CD300A: variants seen among roughly 807,000 people sequenced by gnomAD.
The protein encoded by CD300A is CMRF35-like molecule 8.
Under a neutral mutation model 33.6 loss-of-function variants are expected in CD300A, and 22 were observed. The ratio of observed to expected loss-of-function variants is 0.66; its 90% CI spans 0.47 to 0.94. CD300A has a LOEUF of 0.94. Among genes scored for constraint, CD300A ranks in the 40% least tolerant of loss-of-function variants. The pLI, the probability that CD300A is intolerant of heterozygous loss-of-function variation, is 0.00. For synonymous variants in CD300A, 136 were observed against 148.1 expected (o/e 0.92, Z 0.59); for missense variants, 326 against 360.5 (o/e 0.90, Z 0.77).
intron 1 of CD300A, among the ~76,000 whole-genome samples, chr17:74,469,634 G>A (rs1222666658): frequency 6.6e-6 from 1 of 152,164 alleles, no homozygotes; most frequent in African/African-American, 2.4e-5. Flanking sequence ...AGACCAGCCT[G>A]GCCAACATGG....
intron 3 of CD300A, among the ~76,000 whole-genome samples, chr17:74,477,204 G>T (rs190921777): frequency 3.3e-5 from 5 of 151,798 alleles, no homozygotes; most frequent in Admixed American, 3.3e-4. Context: ...GAGTCTCTAC[G>T]AAAAATTTAA....
intron 1 of CD300A, among the ~76,000 whole-genome samples, chr17:74,467,300 G>A (rs1054812838): frequency 6.6e-6 from 1 of 152,126 alleles, no homozygotes; most frequent in African/African-American, 2.4e-5. Context: ...AACCAGGGCA[G>A]CCCAGCGGCT....
chr17:74,481,249 G>T (rs751126189), intron 4 of CD300A, 40 bp from the exon 5 acceptor site: 3 of 1,607,466 alleles, frequency 1.9e-6, no homozygotes, highest in South Asian at 1.1e-5. Context: ...CCTGGCCATT[G>T]TTCCGGGATT....
rs1008724697 is a variant in CD300A, at chr17:74,480,938, A to G, written c.629-351A>G. Among the ~76,000 whole-genome samples the G allele has an allele frequency of 2.0e-5, 3 of 152,120 alleles. No homozygotes were observed. Among genetic ancestry groups the G allele is most frequent in the African/African-American group, 4.8e-5 (2 of 41,420 alleles). ...TAATATTTGTATTTTTAGTAGAGAC[A>G]GGGTTTCACCCTATTGGCCCGGCTG... is the stretch of plus-strand genomic sequence containing the variant. On this transcript the variant is annotated intron_variant, in intron 4 of 6. Transcript: ENST00000360141. This position sits in a 1 kb window ranked among gnomAD's most constrained non-coding sequence, Gnocchi z 4.2.
intron 1 of CD300A, chr17:74,470,141 C>G (rs1477650883): frequency 4.5e-5 from 44 of 985,238 alleles, no homozygotes; most frequent in Non-Finnish European, 5.3e-5. Flanking sequence ...CCCCAGTCTC[C>G]TGTTTATGAT....
intron 3 of CD300A, among the ~76,000 whole-genome samples, chr17:74,477,088 C>A (rs1264801653): frequency 6.6e-6 from 1 of 151,982 alleles, no homozygotes; most frequent in Non-Finnish European, 1.5e-5. Flanking sequence ...AGAAGGAGAC[C>A]AGGTATATTG....
chr17:74,466,688 T>G lies in CD300A; in HGVS notation c.-16T>G. The G allele has an allele frequency of 6.3e-7, 1 of 1,592,520 alleles. No individual in the cohort carries two copies. The highest frequency in any genetic ancestry group is 1.1e-5 in the South Asian group (1 of 87,662). ...CTGGAGCTGCTGCAAGTGCCGCCTGTGCTGGGGAAGGGACCATGTGGCTGC... is the reference window on the plus strand; with the variant it reads ...CTGGAGCTGCTGCAAGTGCCGCCTGGGCTGGGGAAGGGACCATGTGGCTGC... On this transcript the variant is annotated 5_prime_UTR_variant, in exon 1 of 7. Coordinates refer to ENST00000360141, the MANE Select transcript of CD300A (RefSeq NM_007261.4).
At chr17:74,467,972 A>T (rs1408414547) in intron 1 of CD300A, among the ~76,000 whole-genome samples, 2 of 152,152 alleles carry the variant, frequency 1.3e-5, no homozygotes, top group Non-Finnish European at 2.9e-5. Flanking sequence ...ATTAGGAAGA[A>T]GGGATCCACC....
At chr17:74,473,993 G>A in intron 2 of CD300A, 119 bp downstream of exon 2, 1 of 1,164,864 alleles carries the variant, frequency 8.6e-7, no homozygotes, top group Non-Finnish European at 1.2e-6. Flanking sequence ...AGAGAGAGAG[G>A]TGGGGGCCAG....
Position 74,480,569 on chromosome 17 carries a change from C to T in CD300A, c.629-720C>T, listed in dbSNP as rs973154158. On this transcript the variant is annotated intron_variant, in intron 4 of 6. Transcript: ENST00000360141. The surrounding 1 kb of genome is among the most constrained non-coding windows in gnomAD (Gnocchi z 4.2). ...GCTGTCTGGGAGGGCAGACCTCAGGCACGGGGATGGGAGCAGAGGCCCCAG... is the reference window on the plus strand; with the variant it reads ...GCTGTCTGGGAGGGCAGACCTCAGGTACGGGGATGGGAGCAGAGGCCCCAG... Among the ~76,000 whole-genome samples, 1 of 152,160 alleles carries T rather than the reference C, an allele frequency of 6.6e-6. No homozygotes were observed. The highest frequency in any genetic ancestry group is 2.4e-5 in the African/African-American group (1 of 41,418).
chr17:74,477,453 C>T lies in CD300A; in HGVS notation c.551C>T (p.Ser184Phe). The T allele has an allele frequency of 6.2e-7, 1 of 1,613,754 alleles. No homozygotes were observed. The highest frequency in any genetic ancestry group is 8.5e-7 in the Non-Finnish European group (1 of 1,179,836). ...VVNSQLPLLL[S>F]LLALLLLLLV... is the part of the protein sequence containing the mutation. ...TCCTCCAGGCTCCCGCTGCTCCTCT[C>T]CCTGCTGGCATTGTTGCTGCTTCTG... Residue 184 changes from serine (S) to phenylalanine (F), a missense_variant, in exon 4 of 7, where the codon TCC becomes TTC. Coordinates refer to ENST00000360141, the MANE Select transcript of CD300A (RefSeq NM_007261.4).
intron 6 of CD300A, among the ~76,000 whole-genome samples, 197 bp from the exon 7 acceptor site, chr17:74,483,801 ATGT>A (rs1907076165): frequency 6.6e-6 from 1 of 151,898 alleles, no homozygotes; most frequent in African/African-American, 2.4e-5. Context: ...GATGCTGGGG[ATGT>A]TGTGCTGCTG....
intron 1 of CD300A, among the ~76,000 whole-genome samples, chr17:74,470,654 A>T (rs981059255): frequency 4.2e-5 from 6 of 141,806 alleles, no homozygotes; most frequent in African/African-American, 1.2e-4. Flanking sequence ...GACAGTTTTT[A>T]TTTATTTTTT....
chr17:74,468,675 A>G (rs1188555816), intron 1 of CD300A, among the ~76,000 whole-genome samples: 1 of 151,694 alleles, frequency 6.6e-6, no homozygotes, highest in Admixed American at 6.6e-5. Flanking sequence ...ATTTTTTTGG[A>G]GACAGAATCT....
chr17:74,477,336 C>A, intron 3 of CD300A, 100 bp from the exon 4 acceptor site: 1 of 761,456 alleles, frequency 1.3e-6, no homozygotes, highest in Non-Finnish European at 2.1e-6. Context: ...GGTAACAGAG[C>A]CAGATCCTGT....
intron 6 of CD300A, among the ~76,000 whole-genome samples, chr17:74,482,697 C>A (rs9915863): frequency 7.7e-6 from 1 of 130,132 alleles, no homozygotes. Flanking sequence ...TTCCTTCCTT[C>A]CTTTCTTTCT....
chr17:74,479,514 C>G (rs1906697037), intron 4 of CD300A, among the ~76,000 whole-genome samples: 1 of 152,074 alleles, frequency 6.6e-6, no homozygotes, highest in Non-Finnish European at 1.5e-5. Flanking sequence ...CAGATGTGAG[C>G]CACCACACCC....
At chr17:74,468,263 A>C (rs1446369432) in intron 1 of CD300A, among the ~76,000 whole-genome samples, 1 of 151,988 alleles carries the variant, frequency 6.6e-6, no homozygotes, top group Non-Finnish European at 1.5e-5. Context: ...CAAACTCCCA[A>C]CCTCAGGTGA....
chr17:74,474,040 A>G (rs1598451114), intron 2 of CD300A, among the ~76,000 whole-genome samples, 166 bp downstream of exon 2: 1 of 152,114 alleles, frequency 6.6e-6, no homozygotes, highest in Non-Finnish European at 1.5e-5. Context: ...GGAGCAGCTG[A>G]CATGTCTGCC....
Sources: allele counts gnomAD v4.1 joint callset (sites outside exome capture counted in the v4.1 genomes callset), GRCh38; gene constraint gnomAD v4.1.1; non-coding constraint Gnocchi (gnomAD v3.1); transcripts MANE v1.5; gene names NCBI Gene and HGNC (gene_info 2026-07-23, HGNC 2026-07-21).